ADAMTSL3: variants seen among roughly 807,000 people sequenced by gnomAD.
ADAMTSL3 encodes the protein ADAMTS-like protein 3.
In ADAMTSL3, 128 loss-of-function variants were observed where a neutral mutation model predicts 201.7. The observed-to-expected ratio is 0.63, with a 90% confidence interval of 0.55 to 0.73. ADAMTSL3 has a LOEUF of 0.73. Among genes scored for constraint, ADAMTSL3 ranks in the 30% least tolerant of loss-of-function variants. The probability of loss-of-function intolerance (pLI) is 0.00; values close to 1 mark genes in which losing one functional copy is unlikely to be tolerated. For missense variants in ADAMTSL3, 1,990 were observed against 2,119.6 expected (o/e 0.94, Z 1.20); for synonymous variants, 738 against 748.4 (o/e 0.99, Z 0.23).
intron 16 of ADAMTSL3, among the ~76,000 whole-genome samples, chr15:83,920,885 G>A (rs1400200617): frequency 6.6e-6 from 1 of 152,032 alleles, no homozygotes; most frequent in East Asian, 1.9e-4. Flanking sequence ...CCTGTTTTTG[G>A]GATTGAGGGG....
At chr15:83,975,350 C>T (rs566058436) in intron 20 of ADAMTSL3, among the ~76,000 whole-genome samples, 1 of 152,128 alleles carries the variant, frequency 6.6e-6, no homozygotes, top group East Asian at 1.9e-4. Context: ...TTGGACTTTA[C>T]CATTAGAATA....
chr15:83,904,662 A>G (rs1261201269), intron 15 of ADAMTSL3, among the ~76,000 whole-genome samples: 1 of 152,220 alleles, frequency 6.6e-6, no homozygotes, highest in East Asian at 1.9e-4. Context: ...CAGCTGTGGA[A>G]TGTGTTGACA....
chr15:83,732,064 T>A (rs1436631023), intron 3 of ADAMTSL3, among the ~76,000 whole-genome samples: 1 of 152,058 alleles, frequency 6.6e-6, no homozygotes, highest in East Asian at 1.9e-4. Flanking sequence ...AGTAACCATG[T>A]GAGGAGATGG....
Position 84,031,449 on chromosome 15 carries a change from A to G in ADAMTSL3, c.4754+17A>G. ...CAGAAAGAGGTAGGGGCCCCACCCC[A>G]GAGCAGCACACATTCTCTCCTGACT... On this transcript the variant is annotated intron_variant, in intron 28 of 29. Transcript: ENST00000286744. The G allele has an allele frequency of 6.2e-7, 1 of 1,607,886 alleles. No homozygotes were observed. The highest frequency in any genetic ancestry group is 8.5e-7 in the Non-Finnish European group (1 of 1,174,432).
chr15:83,944,284 T>A (rs528998705), intron 19 of ADAMTSL3, among the ~76,000 whole-genome samples: 14 of 152,278 alleles, frequency 9.2e-5, no homozygotes, highest in African/African-American at 3.4e-4. Flanking sequence ...TTCCAGCCCT[T>A]TGCTCCAGTC....
At chr15:83,924,525 T>C (rs2066212596) in intron 17 of ADAMTSL3, among the ~76,000 whole-genome samples, 1 of 152,212 alleles carries the variant, frequency 6.6e-6, no homozygotes, top group South Asian at 2.1e-4. Flanking sequence ...GATCTCAGAT[T>C]GTGGGGTATA....
At position 83,913,243 on chromosome 15, in the gene ADAMTSL3, C is replaced by G; in HGVS notation, c.1852C>G (p.Arg618Gly). The G allele has an allele frequency of 6.2e-7, 1 of 1,614,144 alleles. No homozygotes were observed. Among genetic ancestry groups the G allele is most frequent in the Non-Finnish European group, 8.5e-7 (1 of 1,180,028 alleles). Residue 618 changes from arginine to glycine, a missense_variant, in exon 16 of 30, where the codon CGG becomes GGG. Arg to Gly is a moderately radical substitution (Grantham distance 125). Coordinates refer to ENST00000286744, the MANE Select transcript of ADAMTSL3 (RefSeq NM_207517.3). ...ECEGPKLPTE[R>G]PCLLEACDES... ...TGAAGGCCCCAAGCTGCCCACCGAA[C>G]GGCCCTGCCTCCTGGAAGCATGTGA... is the stretch of plus-strand genomic sequence containing the variant.
At chr15:83,724,893 T>C (rs1469622246) in intron 3 of ADAMTSL3, among the ~76,000 whole-genome samples, 2 of 152,180 alleles carry the variant, frequency 1.3e-5, no homozygotes, top group Admixed American at 1.3e-4. Context: ...TCTTTCTTTT[T>C]TTATGGCTGA....
intron 6 of ADAMTSL3, among the ~76,000 whole-genome samples, chr15:83,834,968 T>C (rs573986327): frequency 2.0e-5 from 3 of 152,184 alleles, no homozygotes; most frequent in South Asian, 2.1e-4. Flanking sequence ...GGCGCTGTGG[T>C]TCACGCTTGT....
chr15:83,825,352 T>A (rs1173647319), intron 6 of ADAMTSL3, among the ~76,000 whole-genome samples: 1 of 152,228 alleles, frequency 6.6e-6, no homozygotes, highest in Non-Finnish European at 1.5e-5. Context: ...GGCTTCTGCC[T>A]ATAATCACAA....
chr15:83,786,500 G>A (rs138642713), intron 4 of ADAMTSL3, among the ~76,000 whole-genome samples: 14 of 151,788 alleles, frequency 9.2e-5, no homozygotes, highest in African/African-American at 3.4e-4. Context: ...ACAATAAATG[G>A]TTGTTGACTG....
chr15:83,882,073 G>C (rs2065283054), intron 9 of ADAMTSL3, among the ~76,000 whole-genome samples: 1 of 151,424 alleles, frequency 6.6e-6, no homozygotes, highest in South Asian at 2.1e-4. Context: ...GGAGAATGGT[G>C]TGAACCCGGG....
chr15:83,970,514 A>G lies in ADAMTSL3; in HGVS notation c.2521A>G (p.Arg841Gly). Reference sequence around the variant, plus strand: ...TGTCAGTTGTGGTGTTGGAATCCAGAGAAGAAAGCAGGTGTGTCAAAGGCT... The same window carrying G: ...TGTCAGTTGTGGTGTTGGAATCCAGGGAAGAAAGCAGGTGTGTCAAAGGCT... The part of the protein sequence containing the change: ...CSVSCGVGIQ[R>G]RKQVCQRLAA... Residue 841 changes from arginine (R) to glycine (G), a missense_variant, in exon 20 of 30, where the codon AGA (arginine) becomes GGA (glycine). By Grantham distance (125) the Arg-to-Gly change is moderately radical. Transcript: ENST00000286744. 6.2e-7 allele frequency: 1 copy of G among 1,614,206 alleles called. No homozygotes were observed. Among genetic ancestry groups the G allele is most frequent in the South Asian group, 1.1e-5 (1 of 91,082 alleles).
At chr15:83,913,442 C>CA in intron 16 of ADAMTSL3, 64 bp downstream of exon 16, 1 of 1,537,310 alleles carries the variant, frequency 6.5e-7, no homozygotes. Context: ...AGAAATTACT[C>CA]AATCAGGTAA....
chr15:83,825,948 G>C (rs1180979099), intron 6 of ADAMTSL3, among the ~76,000 whole-genome samples: 1 of 152,122 alleles, frequency 6.6e-6, no homozygotes, highest in Non-Finnish European at 1.5e-5. Flanking sequence ...TAAAGAATTT[G>C]GGCTTGTCTT....
chr15:83,791,880 A>T (rs2063351310), intron 4 of ADAMTSL3, among the ~76,000 whole-genome samples: 1 of 151,964 alleles, frequency 6.6e-6, no homozygotes, highest in Admixed American at 6.6e-5. Flanking sequence ...AGAAAAAGAA[A>T]AATCAACTAA....
chr15:83,974,802 C>A (rs944563683), intron 20 of ADAMTSL3, among the ~76,000 whole-genome samples: 1 of 152,030 alleles, frequency 6.6e-6, no homozygotes, highest in African/African-American at 2.4e-5. Context: ...GGTTCCTGAG[C>A]TTTGGTAAAG....
At chr15:83,956,180 C>A (rs1015854663) in intron 19 of ADAMTSL3, among the ~76,000 whole-genome samples, 1 of 152,136 alleles carries the variant, frequency 6.6e-6, no homozygotes, top group East Asian at 1.9e-4. Context: ...GTTTCACTTC[C>A]CACTGTGACA....
chr15:83,709,985 T>C (rs776884085), intron 3 of ADAMTSL3, among the ~76,000 whole-genome samples: 32 of 152,052 alleles, frequency 2.1e-4, no homozygotes, highest in Non-Finnish European at 3.8e-4. Context: ...TTAATATTAA[T>C]ATAGGGTATT....
Sources: allele counts gnomAD v4.1 joint callset (sites outside exome capture counted in the v4.1 genomes callset), GRCh38; gene constraint gnomAD v4.1.1; transcripts MANE v1.5; gene names NCBI Gene and HGNC (gene_info 2026-07-23, HGNC 2026-07-21).